Variants in CCDC146 observed in about 807,000 individuals in gnomAD.
CCDC146 encodes the protein coiled-coil domain-containing protein 146.
A neutral mutation model predicts 119.3 loss-of-function variants in CCDC146; 92 were observed. The ratio of observed to expected loss-of-function variants is 0.77; its 90% CI spans 0.65 to 0.92. The LOEUF is 0.92. Among genes scored for constraint, CCDC146 ranks in the 40% least tolerant of loss-of-function variants. CCDC146 has a pLI of 0.00. For synonymous variants in CCDC146, 372 were observed against 371.8 expected (o/e 1.00, Z -0.01); for missense variants, 1,000 against 1,103.0 (o/e 0.91, Z 1.32).
intron 2 of CCDC146, among the ~76,000 whole-genome samples, chr7:77,216,217 A>G (rs191631881): frequency 1.9e-3 from 293 of 152,128 alleles, no homozygotes; most frequent in Middle Eastern, 0.01. Flanking sequence ...AGTTTTATAC[A>G]GTAAGTTATA....
intron 1 of CCDC146, among the ~76,000 whole-genome samples, chr7:77,153,115 A>G (rs1791129975): frequency 6.6e-6 from 1 of 152,208 alleles, no homozygotes. Flanking sequence ...CACTAGTCTC[A>G]GTCTTAGATA....
At chr7:77,204,259 A>G (rs1792045263) in intron 2 of CCDC146, among the ~76,000 whole-genome samples, 1 of 152,242 alleles carries the variant, frequency 6.6e-6, no homozygotes, top group Admixed American at 6.5e-5. Context: ...AAATATCGAC[A>G]GTAAATATTT....
intron 1 of CCDC146, among the ~76,000 whole-genome samples, chr7:77,129,785 C>G (rs1004973369): frequency 2.0e-5 from 3 of 152,062 alleles, no homozygotes; most frequent in Non-Finnish European, 2.9e-5. Context: ...TTGATATTCT[C>G]TGATGAATTA....
chr7:77,144,473 G>C (rs1339045592), intron 1 of CCDC146, among the ~76,000 whole-genome samples: 2 of 151,788 alleles, frequency 1.3e-5, no homozygotes, highest in African/African-American at 4.9e-5. Flanking sequence ...AGTGGTGAGA[G>C]AGGGCATCCC....
In CCDC146 at chr7:77,262,145, C is replaced by T. The variant is rs1424532079; in HGVS notation, c.1011C>T (p.Arg337=). The part of the protein sequence containing the change: ...TERGILDLNL[R]NSLIDKQNYH... ...GAGGGATCTTGGATCTCAATTTACGCAACAGTCTCATTGACAAGCAGAACT... is the reference window on the plus strand; with the variant it reads ...GAGGGATCTTGGATCTCAATTTACGTAACAGTCTCATTGACAAGCAGAACT... Residue 337 remains arginine, a synonymous_variant, in exon 9 of 19, where the codon CGC becomes CGT. Transcript: ENST00000285871. The T allele has an allele frequency of 6.2e-7, 1 of 1,608,198 alleles. No individual in the cohort carries two copies. The highest frequency in any genetic ancestry group is 8.5e-7 in the Non-Finnish European group (1 of 1,177,606).
At chr7:77,294,501 T>TGTGTGTGTGG (rs1341241914) in intron 18 of CCDC146, among the ~76,000 whole-genome samples, 162 bp from the exon 19 acceptor site, 1 of 148,420 alleles carries the variant, frequency 6.7e-6, no homozygotes, top group African/African-American at 2.5e-5. Flanking sequence ...TGTGTGTGTG[T>TGTGTGTGTGG]GTGTGGTGTG....
In CCDC146 at chr7:77,280,485, T is replaced by C. The variant is rs765660008; in HGVS notation, c.1751T>C (p.Met584Thr). Reference protein sequence around the residue: ...HANNVTIRESMQNDVRKIVSK... With the variant: ...HANNVTIRESTQNDVRKIVSK... The stretch of plus-strand genomic sequence containing the variant: ...AACAATGTTACCATCAGAGAGAGCA[T>C]GCAAAACGATGTGCGCAAAATTGTA... Residue 584 changes from methionine to threonine, a missense_variant, in exon 14 of 19, where the codon ATG (methionine) becomes ACG (threonine). Coordinates refer to ENST00000285871, the MANE Select transcript of CCDC146 (RefSeq NM_020879.3). 5.6e-6 allele frequency: 9 copies of C among 1,614,130 alleles called. No individual in the cohort carries two copies. In the South Asian group the frequency reaches 8.8e-5, roughly 16 times the overall value.
chr7:77,136,341 G>T (rs1040750850), intron 1 of CCDC146, among the ~76,000 whole-genome samples: 3 of 152,154 alleles, frequency 2.0e-5, no homozygotes, highest in Admixed American at 6.5e-5. Flanking sequence ...GAAATGAAAA[G>T]CTGGTTCTTT....
intron 1 of CCDC146, among the ~76,000 whole-genome samples, chr7:77,162,093 A>G (rs1277882481): frequency 6.6e-6 from 1 of 152,118 alleles, no homozygotes; most frequent in African/African-American, 2.4e-5. Context: ...CTCCTATTCC[A>G]TAGGTTGCCT....
At chr7:77,239,344 C>A (rs183811298) in intron 3 of CCDC146, among the ~76,000 whole-genome samples, 1 of 152,292 alleles carries the variant, frequency 6.6e-6, no homozygotes, top group Admixed American at 6.5e-5. Flanking sequence ...ATAATTCCAG[C>A]TTTCATTAAT....
chr7:77,158,193 G>C (rs1261225820), intron 1 of CCDC146, among the ~76,000 whole-genome samples: 1 of 151,928 alleles, frequency 6.6e-6, no homozygotes, highest in Non-Finnish European at 1.5e-5. Flanking sequence ...TTCTTTCCCT[G>C]CCTTACTTTC....
rs1584148988 is a variant in CCDC146, at chr7:77,287,426, A to G, written c.2278-14A>G. On this transcript the variant is annotated splice_polypyrimidine_tract_variant and intron_variant, in intron 16 of 18. Coordinates refer to ENST00000285871, the MANE Select transcript of CCDC146 (RefSeq NM_020879.3). The stretch of plus-strand genomic sequence containing the variant: ...CTTTTTTTTTATTCCTCTTGAACCA[A>G]TTTTCAAACATAGCTGGAACTACAA... 3 of 1,613,196 alleles carry G rather than the reference A, an allele frequency of 1.9e-6. No homozygotes were observed. The highest frequency in any genetic ancestry group is 2.5e-6 in the Non-Finnish European group (3 of 1,179,656).
At chr7:77,202,920 A>C (rs1013081008) in intron 2 of CCDC146, among the ~76,000 whole-genome samples, 2 of 152,172 alleles carry the variant, frequency 1.3e-5, no homozygotes, top group African/African-American at 4.8e-5. Context: ...GTAGGAGGAA[A>C]GATAACATGG....
chr7:77,278,812 A>C lies in CCDC146; in HGVS notation c.1501A>C (p.Lys501Gln), dbSNP rs1241887858. The C allele has an allele frequency of 1.2e-6, 2 of 1,612,960 alleles. No individual in the cohort carries two copies. Among genetic ancestry groups the C allele is most frequent in the Non-Finnish European group, 1.7e-6 (2 of 1,179,328 alleles). Residue 501 changes from lysine to glutamine, a missense_variant, in exon 12 of 19, where the codon AAG (lysine) becomes CAG (glutamine). Transcript: ENST00000285871. The part of the protein sequence containing the change: ...KAKDLEIRIH[K>Q]KKKCEIYRRL... Reference sequence around the variant, plus strand: ...AAAGGATCTTGAAATCAGGATACACAAGAAGAAAAAATGTGAAATTTATCG... The same window carrying C: ...AAAGGATCTTGAAATCAGGATACACCAGAAGAAAAAATGTGAAATTTATCG...
At chr7:77,268,279 G>A (rs1206780360) in intron 9 of CCDC146, among the ~76,000 whole-genome samples, 1 of 152,198 alleles carries the variant, frequency 6.6e-6, no homozygotes, top group Non-Finnish European at 1.5e-5. Context: ...TTCAAATACA[G>A]TTATGGAGTG....
At chr7:77,264,990 T>C (rs59009560) in intron 9 of CCDC146, among the ~76,000 whole-genome samples, 14,100 of 152,252 alleles carry the variant, frequency 0.093, 1,212 homozygotes, top group East Asian at 0.42. Context: ...GATTTTAACT[T>C]TACTAACCTT....
chr7:77,255,738 T>C (rs1350375673), intron 5 of CCDC146, among the ~76,000 whole-genome samples: 3 of 152,018 alleles, frequency 2.0e-5, no homozygotes, highest in Admixed American at 6.6e-5. Context: ...AGTCAAACCC[T>C]CCCCAGGTAA....
chr7:77,188,856 A>G (rs530743152), intron 2 of CCDC146, among the ~76,000 whole-genome samples: 52 of 152,216 alleles, frequency 3.4e-4, no homozygotes, highest in Non-Finnish European at 4.9e-4. Context: ...TGCCCTCACC[A>G]TAAAGTGTCA....
intron 8 of CCDC146, among the ~76,000 whole-genome samples, chr7:77,260,746 C>T (rs906992274): frequency 6.6e-6 from 1 of 152,178 alleles, no homozygotes; most frequent in African/African-American, 2.4e-5. Flanking sequence ...CCTGCCTCAG[C>T]CTCCCGAGTA....
Sources: gnomAD v4.1 joint callset for allele counts (sites outside exome capture counted in the v4.1 genomes callset) on GRCh38, gnomAD v4.1.1 for gene constraint, MANE v1.5 for transcripts, NCBI Gene and HGNC (gene_info 2026-07-23, HGNC 2026-07-21) for gene names.